Variants in AQR observed in about 807,000 individuals in gnomAD.
AQR encodes aquarius intron-binding spliceosomal factor.
Under a neutral mutation model 180.5 loss-of-function variants are expected in AQR, and 61 were observed. The ratio of observed to expected loss-of-function variants is 0.34; its 90% CI spans 0.28 to 0.42. The LOEUF is 0.42. Ranked by LOEUF, AQR falls within the 10% of genes least tolerant of loss-of-function variation. The pLI is 1.00. For missense variants in AQR, 1,281 were observed against 1,798.3 expected, an observed-to-expected ratio of 0.71 and a Z score of 5.20; for synonymous variants, 551 against 588.8, an observed-to-expected ratio of 0.94 and a Z score of 0.93.
intron 13 of AQR, among the ~76,000 whole-genome samples, chr15:34,925,728 GA>G (rs149661772): frequency 0.097 from 14,735 of 152,012 alleles, 775 homozygotes; most frequent in Middle Eastern, 0.16. Context: ...AGCTATTCGG[GA>G]GGCTGACGCA....
intron 17 of AQR, 138 bp downstream of exon 17, chr15:34,909,997 T>C (rs916183849): frequency 4.3e-5 from 43 of 989,840 alleles, no homozygotes; most frequent in Non-Finnish European, 6.1e-5. Flanking sequence ...AAGTTGCTAT[T>C]CTTTAAATCA....
chr15:34,920,044 C>T (rs1893660546), intron 14 of AQR, among the ~76,000 whole-genome samples: 1 of 152,020 alleles, frequency 6.6e-6, no homozygotes, highest in Admixed American at 6.5e-5. Flanking sequence ...GAAAATAGCA[C>T]AGGAATTTTT....
intron 32 of AQR, chr15:34,863,260 G>C (rs960550106): frequency 4.1e-5 from 18 of 441,520 alleles, no homozygotes; most frequent in East Asian, 1.1e-4. Context: ...TTTTTGAAGG[G>C]GAGGATCACA....
chr15:34,871,054 A>G (rs1291466763), intron 30 of AQR, 132 bp from the exon 31 acceptor site: 2 of 727,630 alleles, frequency 2.7e-6, no homozygotes, highest in Non-Finnish European at 2.2e-6. Context: ...AGTAACTTGG[A>G]TAAGTGAGTA....
At chr15:34,943,968 C>G (rs1894068901) in intron 6 of AQR, among the ~76,000 whole-genome samples, 1 of 152,190 alleles carries the variant, frequency 6.6e-6, no homozygotes, top group East Asian at 1.9e-4. Flanking sequence ...TTCCATATAA[C>G]CAGTCTCCTT....
chr15:34,905,769 T>C (rs1384387800), intron 18 of AQR, among the ~76,000 whole-genome samples: 1 of 152,072 alleles, frequency 6.6e-6, no homozygotes, highest in African/African-American at 2.4e-5. Flanking sequence ...AAAAATATGG[T>C]AAAGTATTAC....
At chr15:34,898,613 C>T (rs962432251) in intron 20 of AQR, among the ~76,000 whole-genome samples, 7 of 152,210 alleles carry the variant, frequency 4.6e-5, no homozygotes, top group Non-Finnish European at 1.0e-4. Context: ...CGGCCAGGCG[C>T]GTTGGCTCAC....
chr15:34,938,772 T>G lies in AQR; in HGVS notation c.683A>C (p.Lys228Thr). The change falls in exon 9 of 35, where the codon AAG becomes ACG. Residue 228 changes from lysine (K) to threonine (T), a missense_variant. Around this residue, in one of 9 missense-constraint regions of AQR, gnomAD observed 404 missense variants for 490.9 expected, o/e 0.82. Transcript: ENST00000156471. ...GACTGATTTCAGCACAGAGATAAAC[T>G]TCTGGATGAGTTGTGAAAGAAATCT... ...ERRFLSQLIQ[K>T]FISVLKSVPL... is the part of the protein sequence containing the mutation. 6.2e-7 allele frequency: 1 copy of G among 1,609,502 alleles called. No homozygotes were observed. The highest frequency in any genetic ancestry group is 8.5e-7 in the Non-Finnish European group (1 of 1,176,682).
chr15:34,933,200 A>G (rs1445557508), intron 10 of AQR, among the ~76,000 whole-genome samples: 13 of 152,158 alleles, frequency 8.5e-5, no homozygotes. Flanking sequence ...TCCTCATTTT[A>G]TAGATGAAGT....
At position 34,900,828 on chromosome 15, in the gene AQR, A is replaced by C; in HGVS notation, c.2037T>G (p.Thr679=). ...GCAGCCAGTCAGGTACCACACAATC[A>C]GTATTCATCAGGTTCCGAATAGTCT... ...VLETIRNLMN[T]DCVVPDWLHD... Residue 679 remains threonine (T), a synonymous_variant, in exon 20 of 35, where the codon ACT becomes ACG. Coordinates refer to ENST00000156471, the MANE Select transcript of AQR (RefSeq NM_014691.3). The C allele has an allele frequency of 6.2e-7, 1 of 1,612,622 alleles. No homozygotes were observed. The highest frequency in any genetic ancestry group is 8.5e-7 in the Non-Finnish European group (1 of 1,178,832).
chr15:34,882,429 G>T, intron 27 of AQR, 73 bp downstream of exon 27: 7 of 1,301,868 alleles, frequency 5.4e-6, no homozygotes, highest in Middle Eastern at 2.2e-4. Context: ...TTATAAATAC[G>T]AACTTCATAA....
chr15:34,892,618 A>G (rs113026261), intron 23 of AQR, among the ~76,000 whole-genome samples: 83 of 152,304 alleles, frequency 5.4e-4, no homozygotes, highest in African/African-American at 1.6e-3. Flanking sequence ...TCAACTTACA[A>G]TGGGGTTACA....
chr15:34,911,706 T>A (rs1595794738), intron 16 of AQR, among the ~76,000 whole-genome samples: 1 of 152,200 alleles, frequency 6.6e-6, no homozygotes, highest in Non-Finnish European at 1.5e-5. Flanking sequence ...ATCAGACACA[T>A]GGTTTGCAAA....
chr15:34,906,470 G>C (rs1893418991), intron 18 of AQR, 75 bp downstream of exon 18: 1 of 1,535,230 alleles, frequency 6.5e-7, no homozygotes, highest in African/African-American at 1.4e-5. Context: ...TATTACCTAA[G>C]AAGCAAAAAG....
intron 17 of AQR, 119 bp downstream of exon 17, chr15:34,910,016 G>A: frequency 8.5e-7 from 1 of 1,181,538 alleles, no homozygotes. Flanking sequence ...CAAATTTCAA[G>A]GATAACGCTT....
At chr15:34,943,630 C>T (rs959437553) in intron 6 of AQR, among the ~76,000 whole-genome samples, 1 of 152,116 alleles carries the variant, frequency 6.6e-6, no homozygotes, top group African/African-American at 2.4e-5. Context: ...TAAGAAAGAA[C>T]TCCATGCATT....
chr15:34,911,670 T>C (rs1893500611), intron 16 of AQR, among the ~76,000 whole-genome samples: 2 of 152,210 alleles, frequency 1.3e-5, no homozygotes, highest in Non-Finnish European at 2.9e-5. Context: ...TATGAGTTCC[T>C]TACATATTTT....
intron 11 of AQR, among the ~76,000 whole-genome samples, chr15:34,931,788 C>T (rs897284244): frequency 6.6e-6 from 1 of 152,028 alleles, no homozygotes; most frequent in East Asian, 1.9e-4. Context: ...CACTCCAGCC[C>T]GGGTGACAGA....
At chr15:34,909,829 G>T (rs1368479834) in intron 17 of AQR, among the ~76,000 whole-genome samples, 1 of 151,806 alleles carries the variant, frequency 6.6e-6, no homozygotes, top group Non-Finnish European at 1.5e-5. Flanking sequence ...ATATTATTTT[G>T]CTAAATTTAA....
Sources: gnomAD v4.1 joint callset for allele counts (sites outside exome capture counted in the v4.1 genomes callset) on GRCh38, gnomAD v4.1.1 for gene constraint, gnomAD v4.1.1 regional missense constraint, MANE v1.5 for transcripts, NCBI Gene and HGNC (gene_info 2026-07-23, HGNC 2026-07-21) for gene names.